The following MTUS2 variants were observed in gnomAD, a reference collection of about 807,000 sequenced individuals.
MTUS2 encodes microtubule associated scaffold protein 2.
A neutral mutation model predicts 114.1 loss-of-function variants in MTUS2; 40 were observed. That is an observed-to-expected ratio of 0.35 (90% CI 0.27 to 0.46). The LOEUF (loss-of-function observed/expected upper bound fraction) is 0.46, where lower values mean the gene tolerates loss of function less well. Among genes scored for constraint, MTUS2 ranks in the 20% least tolerant of loss-of-function variants. The pLI is 1.00. For missense variants in MTUS2, 1,679 were observed against 1,705.4 expected (o/e 0.98, Z 0.27); for synonymous variants, 688 against 672.0 (o/e 1.02, Z -0.37).
intron 6 of MTUS2, among the ~76,000 whole-genome samples, chr13:29,286,124 C>G (rs958115587): frequency 1.3e-5 from 2 of 152,108 alleles, no homozygotes; most frequent in African/African-American, 2.4e-5. Flanking sequence ...TGGGGTTTCA[C>G]CATGTTGGCC....
At chr13:29,215,951 T>C (rs1895662581) in intron 5 of MTUS2, among the ~76,000 whole-genome samples, 1 of 152,150 alleles carries the variant, frequency 6.6e-6, no homozygotes, top group Non-Finnish European at 1.5e-5. Context: ...GGCAGGAACG[T>C]TTAAGTCTGC....
intron 5 of MTUS2, 50 bp downstream of exon 5, chr13:29,101,020 G>T: frequency 6.8e-7 from 1 of 1,473,910 alleles, no homozygotes; most frequent in Non-Finnish European, 9.0e-7. Context: ...TAAAACCGGC[G>T]CGCCTGTGTA....
intron 1 of MTUS2, among the ~76,000 whole-genome samples, chr13:28,824,896 A>T (rs1220918858): frequency 1.3e-5 from 2 of 152,152 alleles, no homozygotes; most frequent in East Asian, 3.9e-4. Context: ...GGAGTGGGTT[A>T]TGGGGAATTG....
chr13:28,909,117 G>A (rs1190443607), intron 2 of MTUS2, among the ~76,000 whole-genome samples: 1 of 151,508 alleles, frequency 6.6e-6, no homozygotes, highest in Non-Finnish European at 1.5e-5. Flanking sequence ...TTGAAGTCAG[G>A]TAGCGTGATG....
chr13:29,486,426 G>A (rs548359271), intron 10 of MTUS2, among the ~76,000 whole-genome samples: 3 of 152,252 alleles, frequency 2.0e-5, no homozygotes, highest in African/African-American at 7.2e-5. Context: ...TTCACAGTCA[G>A]GCTTCCTTTC....
chr13:29,288,293 G>A (rs975401728), intron 6 of MTUS2, among the ~76,000 whole-genome samples: 2 of 152,204 alleles, frequency 1.3e-5, no homozygotes, highest in Non-Finnish European at 2.9e-5. Flanking sequence ...AGGTAACTGC[G>A]ATTGCCACCT....
intron 7 of MTUS2, among the ~76,000 whole-genome samples, chr13:29,340,198 A>G (rs551770638): frequency 1.4e-3 from 216 of 152,296 alleles, no homozygotes; most frequent in African/African-American, 4.8e-3. Context: ...CTGGGGGACG[A>G]GGGAAGCTCA....
At chr13:29,318,391 C>CTTTTTTTTTTCTTCTTTTT (rs1900104359) in intron 6 of MTUS2, among the ~76,000 whole-genome samples, 1 of 135,038 alleles carries the variant, frequency 7.4e-6, no homozygotes, top group Non-Finnish European at 1.5e-5. Context: ...ATTTCTTTTT[C>CTTTTTTTTTTCTTCTTTTT]TTTTTTTTTT....
intron 5 of MTUS2, among the ~76,000 whole-genome samples, chr13:29,116,072 A>G (rs1368234796): frequency 6.6e-6 from 1 of 152,244 alleles, no homozygotes; most frequent in Non-Finnish European, 1.5e-5. Context: ...ATACCGAGAC[A>G]TAAGTAAAAT....
At chr13:28,821,039 AG>A (rs918761658) in intron 1 of MTUS2, among the ~76,000 whole-genome samples, 6 of 152,148 alleles carry the variant, frequency 3.9e-5, no homozygotes, top group Non-Finnish European at 8.8e-5. Flanking sequence ...TGTGCACAGA[AG>A]GAATTACAGG....
chr13:29,282,132 C>G (rs1429320654), intron 6 of MTUS2, among the ~76,000 whole-genome samples: 1 of 152,204 alleles, frequency 6.6e-6, no homozygotes, highest in East Asian at 1.9e-4. Flanking sequence ...CTATTTTAAG[C>G]AAACTGGCAT....
intron 12 of MTUS2, 102 bp downstream of exon 12, chr13:29,492,821 G>C (rs1262189991): frequency 1.4e-5 from 12 of 867,560 alleles, no homozygotes; most frequent in South Asian, 1.2e-4. Context: ...ACTAAATCCT[G>C]TACTAAACAA....
At chr13:28,841,465 T>C (rs953521536) in intron 2 of MTUS2, among the ~76,000 whole-genome samples, 11 of 152,276 alleles carry the variant, frequency 7.2e-5, no homozygotes, top group Middle Eastern at 6.8e-3. Context: ...GGAAGGTTGG[T>C]AGTGGAGAGC....
intron 8 of MTUS2, among the ~76,000 whole-genome samples, chr13:29,392,905 A>T (rs1873619395): frequency 6.6e-6 from 1 of 152,228 alleles, no homozygotes; most frequent in South Asian, 2.1e-4. Context: ...TACCACAATA[A>T]AAAATTAACT....
At chr13:29,158,358 C>CCCCCCCCCCCTCTTTT in intron 5 of MTUS2, among the ~76,000 whole-genome samples, 1 of 32,048 alleles carries the variant, frequency 3.1e-5, no homozygotes, top group Non-Finnish European at 5.1e-5. Flanking sequence ...GTCCACCCCG[C>CCCCCCCCCCCTCTTTT]TTTTTTTTTT....
At chr13:29,395,970 ACTC>A (rs1336115283) in intron 8 of MTUS2, among the ~76,000 whole-genome samples, 2 of 152,178 alleles carry the variant, frequency 1.3e-5, no homozygotes, top group East Asian at 1.9e-4. Flanking sequence ...CTGAGCAAGT[ACTC>A]CTCTACAGAA....
intron 1 of MTUS2, among the ~76,000 whole-genome samples, chr13:28,822,308 A>G (rs886372885): frequency 2.6e-5 from 4 of 152,182 alleles, no homozygotes; most frequent in Non-Finnish European, 5.9e-5. Context: ...TTGGGCTATT[A>G]CATAATTGAC....
chr13:29,114,182 G>A (rs1304222068), intron 5 of MTUS2, among the ~76,000 whole-genome samples: 1 of 151,634 alleles, frequency 6.6e-6, no homozygotes, highest in African/African-American at 2.4e-5. Flanking sequence ...AAATTACCCA[G>A]TCCCAGGTAC....
chr13:29,139,716 A>C (rs1276294288), intron 5 of MTUS2, among the ~76,000 whole-genome samples: 1 of 152,204 alleles, frequency 6.6e-6, no homozygotes, highest in Non-Finnish European at 1.5e-5. Flanking sequence ...TTGCAAAAAT[A>C]TACAATGATT....
Sources: gnomAD v4.1 joint callset for allele counts (sites outside exome capture counted in the v4.1 genomes callset) on GRCh38, gnomAD v4.1.1 for gene constraint, MANE v1.5 for transcripts, NCBI Gene and HGNC (gene_info 2026-07-23, HGNC 2026-07-21) for gene names.